The following ECE1 variants were observed in gnomAD, a reference collection of about 807,000 sequenced individuals.
ECE1 encodes the protein endothelin-converting enzyme 1.
In ECE1, 35 loss-of-function variants were observed where a neutral mutation model predicts 98.6. That is an observed-to-expected ratio of 0.35 (90% CI 0.27 to 0.47). The LOEUF (loss-of-function observed/expected upper bound fraction) is 0.47. ECE1 is among the 20% of genes least tolerant of loss of function. ECE1 has a pLI of 1.00. For missense variants in ECE1, 814 were observed against 1,025.3 expected, an observed-to-expected ratio of 0.79 and a Z score of 2.81; for synonymous variants, 394 against 407.1, an observed-to-expected ratio of 0.97 and a Z score of 0.39.
intron 2 of ECE1, among the ~76,000 whole-genome samples, chr1:21,285,337 T>C (rs2098259283): frequency 1.3e-5 from 2 of 152,174 alleles, no homozygotes; most frequent in South Asian, 4.1e-4. Context: ...TATCCCACTG[T>C]GTGTTGCTGG....
At chr1:21,270,454 A>T (rs1299145371) in intron 4 of ECE1, among the ~76,000 whole-genome samples, 1 of 152,206 alleles carries the variant, frequency 6.6e-6, no homozygotes, top group Non-Finnish European at 1.5e-5. Context: ...GGACAGAGGA[A>T]AGGGCACAAG....
At chr1:21,255,711 C>T (rs988773205) in intron 8 of ECE1, among the ~76,000 whole-genome samples, 1 of 152,224 alleles carries the variant, frequency 6.6e-6, no homozygotes, top group Non-Finnish European at 1.5e-5. Context: ...GAGAAGCAGC[C>T]TGGTGTCGGC....
intron 3 of ECE1, among the ~76,000 whole-genome samples, chr1:21,273,346 CGTGTGTGTGTGT>C (rs60168069): frequency 2.0e-4 from 26 of 133,158 alleles, no homozygotes; most frequent in East Asian, 1.0e-3. Context: ...TGCGTGTGTG[CGTGTGTGTGTGT>C]GTGTGTGTGT....
chr1:21,225,618 G>A lies in ECE1; in HGVS notation c.1850-178C>T, dbSNP rs568985186. ...GTGGATGTGGTGGCCAGTCAGAGGC[G>A]GGAGAGGATGAAGGAGAGAAATCGG... is the stretch of plus-strand genomic sequence containing the variant. On this transcript the variant is annotated intron_variant, in intron 16 of 18. Transcript: ENST00000374893. The surrounding 1 kb of genome is among the most constrained non-coding windows in gnomAD (Gnocchi z 5.3). Among the ~76,000 whole-genome samples, 19 of 152,270 alleles carry A rather than the reference G, an allele frequency of 1.2e-4. 1 individual carries two copies. The highest frequency in any genetic ancestry group is 4.3e-4 in the African/African-American group (18 of 41,566).
At chr1:21,242,142 G>A (rs2098197254) in intron 10 of ECE1, among the ~76,000 whole-genome samples, 2 of 152,164 alleles carry the variant, frequency 1.3e-5, no homozygotes, top group Non-Finnish European at 2.9e-5. Context: ...ATCTTAGGCG[G>A]CCCTTGGATA....
At chr1:21,241,966 AT>A (rs928822048) in intron 10 of ECE1, among the ~76,000 whole-genome samples, 30 of 150,288 alleles carry the variant, frequency 2.0e-4, no homozygotes, top group South Asian at 6.3e-4. Flanking sequence ...CCTGGCTGCA[AT>A]TTTTTTTTTA....
intron 17 of ECE1, 76 bp from the exon 18 acceptor site, chr1:21,221,918 GGGAGCTCCCCC>G (rs1212202550): frequency 1.8e-5 from 24 of 1,333,570 alleles, no homozygotes; most frequent in Non-Finnish European, 2.5e-5. Flanking sequence ...GGAGGTCTCA[GGGAGCTCCCCC>G]GTGTTGGGGC....
chr1:21,320,185 G>A (rs1200537341), intron 1 of ECE1, among the ~76,000 whole-genome samples: 1 of 152,224 alleles, frequency 6.6e-6, no homozygotes, highest in Non-Finnish European at 1.5e-5. Context: ...TTTGAGGTTT[G>A]CTGCGTCCAG....
Position 21,340,397 on chromosome 1 carries a change from C to CT in ECE1, c.3+4978dup, listed in dbSNP as rs1232291214. Among the ~76,000 whole-genome samples, 3 of 152,242 alleles carry CT rather than the reference C, an allele frequency of 2.0e-5. No homozygotes were observed. The highest frequency in any genetic ancestry group is 4.4e-5 in the Non-Finnish European group (3 of 68,038). On this transcript the variant is annotated intron_variant, in intron 1 of 18. Coordinates refer to the ECE1 transcript ENST00000415912. The surrounding 1 kb of genome is among the most constrained non-coding windows in gnomAD (Gnocchi z 4.6). ...GGGCTAGAGGAGGACTGGATGGTGCCTGCAGCACCACCTTTCTCCCAGGGC... is the reference window on the plus strand; with the variant it reads ...GGGCTAGAGGAGGACTGGATGGTGCCTTGCAGCACCACCTTTCTCCCAGGGC...
chr1:21,229,679 A>G (rs2317113), intron 14 of ECE1, among the ~76,000 whole-genome samples: 15,427 of 152,176 alleles, frequency 0.1, 1,003 homozygotes, highest in South Asian at 0.25. Flanking sequence ...GTTTTTCTCA[A>G]GAGGTCAGCA....
At chr1:21,281,807 C>T (rs756481479) in intron 2 of ECE1, among the ~76,000 whole-genome samples, 16 of 152,240 alleles carry the variant, frequency 1.1e-4, no homozygotes, top group Non-Finnish European at 2.1e-4. Flanking sequence ...AGCGATTCTC[C>T]TGCCTCAGTC....
At chr1:21,311,404 G>C (rs960072593) in intron 1 of ECE1, among the ~76,000 whole-genome samples, 1 of 151,572 alleles carries the variant, frequency 6.6e-6, no homozygotes, top group Non-Finnish European at 1.5e-5. Flanking sequence ...CGGGCATGGG[G>C]GTTCACGCCT....
chr1:21,328,236 C>T (rs1639124267), intron 1 of ECE1, among the ~76,000 whole-genome samples: 2 of 152,210 alleles, frequency 1.3e-5, no homozygotes, highest in South Asian at 4.1e-4. Context: ...CCTTCTTCCT[C>T]AGGGATGTCT....
intron 2 of ECE1, among the ~76,000 whole-genome samples, chr1:21,287,703 T>C (rs1334884132): frequency 1.3e-5 from 2 of 152,154 alleles, no homozygotes; most frequent in African/African-American, 2.4e-5. Context: ...GTTGGTACCA[T>C]GAGGTGTTAT....
chr1:21,255,168 C>T (rs1297048761), intron 8 of ECE1, among the ~76,000 whole-genome samples: 1 of 152,138 alleles, frequency 6.6e-6, no homozygotes, highest in Non-Finnish European at 1.5e-5. Flanking sequence ...AGGTCAAATT[C>T]GGCTGGTCAC....
At position 21,221,894 on chromosome 1, in the gene ECE1, G is replaced by A. The variant is rs936068538; in HGVS notation, c.2041-52C>T. On this transcript the variant is annotated intron_variant, in intron 17 of 18. Coordinates refer to ENST00000374893, the MANE Select transcript of ECE1 (RefSeq NM_001397.3). ...GGGGTTCCCATGGCAGGTGGTGAAG[G>A]AGGGGACTGGTATGGAGGTCTCAGG... 4.6e-6 allele frequency: 7 copies of A among 1,532,290 alleles called. No individual in the cohort carries two copies. The African/African-American group carries it at 9.6e-5, about 21-fold the overall frequency. 94.9% of individuals were successfully genotyped at this position (1,532,290 alleles called of 1,614,324 possible). A position where few individuals can be genotyped will look rare whatever the true frequency, so the allele number is the denominator to read the frequency against.
chr1:21,317,929 C>A (rs1297514368), intron 1 of ECE1, among the ~76,000 whole-genome samples: 1 of 152,186 alleles, frequency 6.6e-6, no homozygotes, highest in African/African-American at 2.4e-5. Flanking sequence ...CGGGGTGTGA[C>A]CCCAATGTTC....
chr1:21,283,776 T>C (rs1296848557), intron 2 of ECE1, among the ~76,000 whole-genome samples: 1 of 152,248 alleles, frequency 6.6e-6, no homozygotes, highest in Non-Finnish European at 1.5e-5. Flanking sequence ...TGGTGTTCAC[T>C]GCAAAATTAA....
At chr1:21,304,265 G>A (rs1230587189) in intron 1 of ECE1, among the ~76,000 whole-genome samples, 9 of 138,082 alleles carry the variant, frequency 6.5e-5, no homozygotes, top group African/African-American at 1.7e-4. Flanking sequence ...GCAGTGAGCC[G>A]AGATCGCGCC....
Sources: allele counts gnomAD v4.1 joint callset (sites outside exome capture counted in the v4.1 genomes callset), GRCh38; gene constraint gnomAD v4.1.1; non-coding constraint Gnocchi (gnomAD v3.1); transcripts MANE v1.5; gene names NCBI Gene and HGNC (gene_info 2026-07-23, HGNC 2026-07-21).